CFDP1: variants seen among roughly 807,000 people sequenced by gnomAD.
CFDP1 encodes heterochromatin-stabilizing protein CFDP1.
A neutral mutation model predicts 40.1 loss-of-function variants in CFDP1; 31 were observed. The ratio of observed to expected loss-of-function variants is 0.77; its 90% confidence interval spans 0.58 to 1.04. CFDP1 has a LOEUF of 1.04. Ranked by LOEUF, CFDP1 falls within the 50% of genes least tolerant of loss-of-function variation. The pLI, the probability that CFDP1 is intolerant of heterozygous loss-of-function variation, is 0.00. For synonymous variants in CFDP1, 167 were observed against 120.0 expected, an observed-to-expected ratio of 1.39 and a Z score of -2.56; for missense variants, 423 against 343.4, an observed-to-expected ratio of 1.23 and a Z score of -1.83.
intron 5 of CFDP1, among the ~76,000 whole-genome samples, chr16:75,376,006 A>C (rs1014980455): frequency 1.3e-5 from 2 of 152,134 alleles, no homozygotes; most frequent in Non-Finnish European, 2.9e-5. Flanking sequence ...TGAGCCTAGG[A>C]GTTTGAGACC....
chr16:75,312,686 T>C (rs1023806050), intron 5 of CFDP1, among the ~76,000 whole-genome samples: 1 of 152,162 alleles, frequency 6.6e-6, no homozygotes, highest in African/African-American at 2.4e-5. Flanking sequence ...CTTTCTTCCA[T>C]GTGTTGTTGA....
chr16:75,391,299 A>C (rs1195475405), intron 5 of CFDP1: 4 of 152,220 alleles, frequency 2.6e-5, no homozygotes, highest in Admixed American at 6.5e-5. Context: ...CTTTATTTCC[A>C]TCTGGTGGTT....
chr16:75,411,954 T>C lies in CFDP1; in HGVS notation c.403-2A>G. The C allele has an allele frequency of 6.3e-7, 1 of 1,586,456 alleles. No homozygotes were observed. Among genetic ancestry groups the C allele is most frequent in the Non-Finnish European group, 8.5e-7 (1 of 1,173,290 alleles). On this transcript the variant is annotated splice_acceptor_variant, in intron 3 of 6. Coordinates refer to ENST00000283882, the MANE Select transcript of CFDP1 (RefSeq NM_006324.3). LOFTEE classifies it high-confidence loss of function. ...TGTCTCTTCAGTCTCCTCTCCTTTC[T>C]ATAAAAAAAACAAGAAATGTAATGT...
intron 5 of CFDP1, among the ~76,000 whole-genome samples, chr16:75,325,452 A>T (rs765247183): frequency 6.6e-6 from 1 of 152,116 alleles, no homozygotes; most frequent in Non-Finnish European, 1.5e-5. Flanking sequence ...CCTATTTAAT[A>T]CTGCAAGCTT....
At chr16:75,333,684 A>T (rs867030604) in intron 5 of CFDP1, among the ~76,000 whole-genome samples, 111 of 152,314 alleles carry the variant, frequency 7.3e-4, no homozygotes, top group African/African-American at 2.6e-3. Flanking sequence ...TGCTGAGCCA[A>T]CGGTGATCCC....
At chr16:75,421,406 A>G (rs1274211824) in intron 1 of CFDP1, among the ~76,000 whole-genome samples, 1 of 152,206 alleles carries the variant, frequency 6.6e-6, no homozygotes, top group Non-Finnish European at 1.5e-5. Flanking sequence ...TAAATTATAC[A>G]TACAAAACCC....
At chr16:75,401,381 T>C (rs1012253487) in intron 4 of CFDP1, among the ~76,000 whole-genome samples, 6 of 147,858 alleles carry the variant, frequency 4.1e-5, no homozygotes, top group African/African-American at 1.3e-4. Flanking sequence ...TGAGCCAAGA[T>C]TGCACCACTG....
At chr16:75,433,122 C>T (rs970749315) in intron 1 of CFDP1, among the ~76,000 whole-genome samples, 167 bp downstream of exon 1, 21 of 152,302 alleles carry the variant, frequency 1.4e-4, no homozygotes, top group Middle Eastern at 3.4e-3. Flanking sequence ...GCACACGCCT[C>T]GGGCCGGAGC....
intron 5 of CFDP1, among the ~76,000 whole-genome samples, chr16:75,347,723 G>C (rs1197484793): frequency 1.3e-5 from 2 of 152,148 alleles, no homozygotes; most frequent in East Asian, 3.9e-4. Context: ...TAAATTTAAA[G>C]GGAAAACTTT....
intron 4 of CFDP1, among the ~76,000 whole-genome samples, chr16:75,398,587 C>G (rs956080158): frequency 6.6e-6 from 1 of 152,214 alleles, no homozygotes; most frequent in South Asian, 2.1e-4. Context: ...GTCTGTCTCT[C>G]TCAAGAATGC....
At chr16:75,399,096 G>T (rs1304528006) in intron 4 of CFDP1, among the ~76,000 whole-genome samples, 1 of 150,290 alleles carries the variant, frequency 6.7e-6, no homozygotes, top group East Asian at 1.9e-4. Flanking sequence ...CTGTGAAGTG[G>T]TTCCACACTT....
intron 5 of CFDP1, among the ~76,000 whole-genome samples, chr16:75,331,973 A>G (rs182424098): frequency 6.6e-6 from 1 of 152,242 alleles, no homozygotes; most frequent in African/African-American, 2.4e-5. Flanking sequence ...ATTCTCACCA[A>G]TATTTGTTGT....
chr16:75,360,288 C>T (rs2078672847), intron 5 of CFDP1, among the ~76,000 whole-genome samples: 2 of 152,034 alleles, frequency 1.3e-5, no homozygotes, highest in South Asian at 2.1e-4. Context: ...CAATAAAGAC[C>T]ATTCTGGTAT....
chr16:75,302,922 G>A (rs1325360251), intron 6 of CFDP1, among the ~76,000 whole-genome samples: 6 of 152,160 alleles, frequency 3.9e-5, no homozygotes, highest in South Asian at 2.1e-4. Flanking sequence ...AGGGCTGGGC[G>A]TGGTGGCTCA....
At chr16:75,400,934 G>C (rs1180844322) in intron 4 of CFDP1, among the ~76,000 whole-genome samples, 1 of 152,130 alleles carries the variant, frequency 6.6e-6, no homozygotes, top group African/African-American at 2.4e-5. Flanking sequence ...AACAATAACA[G>C]AAAATGTCCT....
chr16:75,417,408 A>G (rs1030939824), intron 1 of CFDP1, among the ~76,000 whole-genome samples: 4 of 152,224 alleles, frequency 2.6e-5, no homozygotes, highest in African/African-American at 7.2e-5. Flanking sequence ...AATGTGTAAA[A>G]TTTCTATGTA....
chr16:75,304,240 T>C lies in CFDP1; in HGVS notation c.809+784A>G, dbSNP rs141140657. Among the ~76,000 whole-genome samples the C allele has an allele frequency of 7.3e-4, 111 of 152,196 alleles. 2 individuals carry two copies. The East Asian group carries it at 0.014, about 19-fold the overall frequency. ...TGCACCACTATGCCTGGCTAATTCT[T>C]ATATTTTTAGTAGGATGGGGTTTTG... On this transcript the variant is annotated intron_variant, in intron 6 of 6. Coordinates refer to ENST00000283882, the MANE Select transcript of CFDP1 (RefSeq NM_006324.3).
At chr16:75,352,276 G>A (rs2151526920) in intron 5 of CFDP1, among the ~76,000 whole-genome samples, 1 of 152,116 alleles carries the variant, frequency 6.6e-6, no homozygotes, top group East Asian at 1.9e-4. Flanking sequence ...AGGAGACGGA[G>A]GTTGCAGTGA....
intron 5 of CFDP1, among the ~76,000 whole-genome samples, chr16:75,319,351 T>A (rs540302146): frequency 1.3e-5 from 2 of 152,252 alleles, no homozygotes; most frequent in Non-Finnish European, 2.9e-5. Context: ...CCCAAACTTC[T>A]AACTGCTACT....
Sources: gnomAD v4.1 joint callset for allele counts (sites outside exome capture counted in the v4.1 genomes callset) on GRCh38, gnomAD v4.1.1 for gene constraint, MANE v1.5 for transcripts, NCBI Gene and HGNC (gene_info 2026-07-23, HGNC 2026-07-21) for gene names.